Variants in CUL7 observed in about 807,000 individuals in gnomAD.
The protein encoded by CUL7 is cullin-7.
A neutral mutation model predicts 177.7 loss-of-function variants in CUL7; 96 were observed. The observed-to-expected ratio is 0.54, with a 90% CI of 0.46 to 0.64. The LOEUF (loss-of-function observed/expected upper bound fraction) is 0.64. Among genes scored for constraint, CUL7 ranks in the 30% least tolerant of loss-of-function variants. The probability of loss-of-function intolerance (pLI) is 0.00; values close to 1 mark genes in which losing one functional copy is unlikely to be tolerated. For missense variants in CUL7, 1,893 were observed against 2,187.9 expected, an observed-to-expected ratio of 0.87 and a Z score of 2.69; for synonymous variants, 824 against 890.2, an observed-to-expected ratio of 0.93 and a Z score of 1.32.
rs368465274 is a variant in CUL7 at position 43,046,249 on chromosome 6, C to G, written c.2647G>C (p.Gly883Arg). The change falls in exon 12 of 26, where the codon GGC becomes CGC. Residue 883 changes from glycine to arginine, a missense_variant. This residue lies in a region of CUL7 where 973 missense variants were observed against 1,140.9 expected (regional missense o/e 0.85). Coordinates refer to ENST00000265348, the MANE Select transcript of CUL7 (RefSeq NM_014780.5). ...TGGGAGAGTTACCTGATGAGGATGCCCCGGCGCATGTGCAGGGTGATGTAG... is the reference window on the plus strand; with the variant it reads ...TGGGAGAGTTACCTGATGAGGATGCGCCGGCGCATGTGCAGGGTGATGTAG... ...SHYITLHMRR[G>R]ILIRQLTLLV... is the part of the protein sequence containing the mutation. The G allele has an allele frequency of 6.2e-7, 1 of 1,614,188 alleles. No individual in the cohort carries two copies. The highest frequency in any genetic ancestry group is 8.5e-7 in the Non-Finnish European group (1 of 1,180,052).
At position 43,053,768 on chromosome 6, in the gene CUL7, C is replaced by G. The variant is rs1369425101; in HGVS notation, c.-155G>C. The G allele has an allele frequency of 1.3e-6, 2 of 1,524,442 alleles. No individual in the cohort carries two copies. Among genetic ancestry groups the G allele is most frequent in the Admixed American group, 2.0e-5 (1 of 50,162 alleles). The allele number at this position is 1,524,442 out of a possible 1,614,324, so 94.4% of individuals were successfully genotyped here. A position where few individuals can be genotyped will look rare whatever the true frequency, so the allele number is the denominator to read the frequency against. On this transcript the variant is annotated 5_prime_UTR_variant, in exon 1 of 26. Transcript: ENST00000265348. The surrounding 1 kb of genome is among the most constrained non-coding windows in gnomAD (Gnocchi z 4.1). The stretch of plus-strand genomic sequence containing the variant: ...CGGGAGGGGGCGTGCCTCCGCGGAA[C>G]AGAGCTGCACCCGCGTGAGTCGGCA...
chr6:43,042,930 A>G lies in CUL7; in HGVS notation c.3517T>C (p.Cys1173Arg). Residue 1173 changes from cysteine to arginine, a missense_variant, in exon 19 of 26, where the codon TGT becomes CGT. Physicochemically the swap from Cys to Arg is radical, Grantham distance 180. Around this residue, in one of 5 missense-constraint regions of CUL7, gnomAD observed 973 missense variants for 1,140.9 expected, o/e 0.85. Transcript: ENST00000265348. ...WRDDDFVPRY[C>R]EHFNILQNSS... ...TTCTGCAGAATATTAAAGTGCTCAC[A>G]GTAGCGTGGCACAAAGTCATCATCC... The G allele has an allele frequency of 6.2e-7, 1 of 1,614,220 alleles. No homozygotes were observed. Among genetic ancestry groups the G allele is most frequent in the East Asian group, 2.2e-5 (1 of 44,882 alleles).
chr6:43,038,964 G>C lies in CUL7; in HGVS notation c.4318C>G (p.Arg1440Gly), dbSNP rs748555538. ...CACTGCAGTCGCCTCTGTGAGCCTC[G>C]CTCAAGGGCAGGGTGGCTCTGACCT... Reference protein sequence around the residue: ...NKSQSHPALERGSQRRLQWTW... With the variant: ...NKSQSHPALEGGSQRRLQWTW... The change falls in exon 23 of 26, where the codon CGA (arginine) becomes GGA (glycine). Residue 1440 changes from arginine (R) to glycine (G), a missense_variant. Physicochemically the swap from Arg to Gly is moderately radical, Grantham distance 125 (BLOSUM62 -2). Coordinates refer to ENST00000265348, the MANE Select transcript of CUL7 (RefSeq NM_014780.5). The C allele has an allele frequency of 1.9e-6, 3 of 1,611,794 alleles. No individual in the cohort carries two copies. Among genetic ancestry groups the C allele is most frequent in the African/African-American group, 2.7e-5 (2 of 74,980 alleles).
chr6:43,049,279 T>G, intron 7 of CUL7, 128 bp downstream of exon 7: 1 of 1,212,512 alleles, frequency 8.2e-7, no homozygotes, highest in Admixed American at 1.7e-5. Flanking sequence ...GTTTGTTGCT[T>G]CTCTCTAAGT....
chr6:43,044,870 C>T lies in CUL7; in HGVS notation c.3054G>A (p.Leu1018=). The stretch of plus-strand genomic sequence containing the variant: ...GGTCAGCAAAATTCTGCTCCTGGCG[C>T]AGAGCACCGTTGAGTCTGGGGGTGA... ...LHLSSRLNGA[L]RQEQNFADRF... is the part of the protein sequence containing the mutation. Residue 1018 remains leucine (L), a synonymous_variant, in exon 16 of 26, where the codon CTG becomes CTA. Coordinates refer to ENST00000265348, the MANE Select transcript of CUL7 (RefSeq NM_014780.5). 6.2e-7 allele frequency: 1 copy of T among 1,613,752 alleles called. No homozygotes were observed. Among genetic ancestry groups the T allele is most frequent in the East Asian group, 2.2e-5 (1 of 44,874 alleles).
Position 43,047,070 on chromosome 6 carries a change from G to C in CUL7, c.2207C>G (p.Thr736Ser). The change falls in exon 10 of 26, where the codon ACC (threonine) becomes AGC (serine). Residue 736 changes from threonine (T) to serine (S), a missense_variant. Coordinates refer to ENST00000265348, the MANE Select transcript of CUL7 (RefSeq NM_014780.5). ...QELIFFLHRL[T>S]SVSRDYAVVL... ...CACGGCATAGTCCCTGCTCACTGAG[G>C]TCAGGCGGTGCAGGAAGAAAATCAG... is the stretch of plus-strand genomic sequence containing the variant. 1 of 1,612,916 alleles carries C rather than the reference G, an allele frequency of 6.2e-7. No individual in the cohort carries two copies. The highest frequency in any genetic ancestry group is 8.5e-7 in the Non-Finnish European group (1 of 1,178,904).
In CUL7 at chr6:43,050,549, TACACACACACACACACACAC is replaced by T. The variant is rs58059598; in HGVS notation, c.1234-171_1234-152del. 20,277 of 418,850 alleles carry T rather than the reference TACACACACACACACACACAC, an allele frequency of 0.048. 566 individuals are homozygous for T. Among genetic ancestry groups the T allele is most frequent in the African/African-American group, 0.15 (6,395 of 42,990 alleles). The allele number at this position is 418,850 out of a possible 1,614,324, so 25.9% of individuals were successfully genotyped here. A position where few individuals can be genotyped will look rare whatever the true frequency, so the allele number is the denominator to read the frequency against. The stretch of plus-strand genomic sequence containing the variant: ...TAACAAAACAGCAGCATATGGAGAA[TACACACACACACACACACAC>T]ACACACACACACACACACACACACA... On this transcript the variant is annotated intron_variant, in intron 4 of 25. Coordinates refer to ENST00000265348, the MANE Select transcript of CUL7 (RefSeq NM_014780.5). The surrounding 1 kb of genome is among the most constrained non-coding windows in gnomAD (Gnocchi z 4.1).
At position 43,043,881 on chromosome 6, in the gene CUL7, TA is replaced by T. The variant is rs2150318035; in HGVS notation, c.3173-252del. Among the ~76,000 whole-genome samples, 1 of 150,806 alleles carries T rather than the reference TA, an allele frequency of 6.6e-6. No homozygotes were observed. The highest frequency in any genetic ancestry group is 2.1e-4 in the South Asian group (1 of 4,768). On this transcript the variant is annotated intron_variant, in intron 16 of 25. Transcript: ENST00000265348. This position sits in a 1 kb window ranked among gnomAD's most constrained non-coding sequence, Gnocchi z 4.2. ...CATCTTTAAAAATAAGAAATAAGCA[TA>T]AAAAAATAGAAAAGGCCAGGTGCGG...
rs200587174 is a variant in CUL7, at chr6:43,038,667, G to A, written c.4466C>T (p.Ala1489Val). The change falls in exon 24 of 26, where the codon GCG becomes GTG. Residue 1489 changes from alanine to valine, a missense_variant. Coordinates refer to ENST00000265348, the MANE Select transcript of CUL7 (RefSeq NM_014780.5). Reference protein sequence around the residue: ...LKAVSVESLLAFSGLSADMLN... With the variant: ...LKAVSVESLLVFSGLSADMLN... Reference sequence around the variant, plus strand: ...CATGTCTGCGGAGAGCCCTGAGAACGCCAGCAGACTCTCCACAGAGACCGC... The same window carrying A: ...CATGTCTGCGGAGAGCCCTGAGAACACCAGCAGACTCTCCACAGAGACCGC... 4.3e-5 allele frequency: 70 copies of A among 1,613,992 alleles called. No homozygotes were observed. The East Asian group carries it at 1.0e-3, about 23-fold the overall frequency.
At chr6:43,038,821 G>A (rs766373189) in intron 23 of CUL7, 21 bp downstream of exon 23, 17 of 1,614,070 alleles carry the variant, frequency 1.1e-5, no homozygotes, top group Non-Finnish European at 1.4e-5. Context: ...ACAGGAGAGA[G>A]GTGCAGCGGG....
Position 43,038,834 on chromosome 6 carries a change from T to C in CUL7, c.4440+8A>G. 1.2e-6 allele frequency: 2 copies of C among 1,614,140 alleles called. No homozygotes were observed. The highest frequency in any genetic ancestry group is 2.2e-5 in the South Asian group (2 of 91,072). On this transcript the variant is annotated splice_region_variant and intron_variant, in intron 23 of 25. Coordinates refer to ENST00000265348, the MANE Select transcript of CUL7 (RefSeq NM_014780.5). ...AGACAGGAGAGAGGTGCAGCGGGGC[T>C]GGGCCACCTTCAGGTCGTTGAGATA...
rs1403288584 is a variant in CUL7, at chr6:43,038,362, A to G, written c.4678T>C (p.Leu1560=). 6.2e-7 allele frequency: 1 copy of G among 1,614,170 alleles called. No individual in the cohort carries two copies. Among genetic ancestry groups the G allele is most frequent in the African/African-American group, 1.3e-5 (1 of 75,026 alleles). ...TTCAGAAGATTCCGTCTCTTCTCCA[A>G]GTTCTGGCCGTCTTCACCCTCAGCT... ...LQAEGEDGQN[L]EKRRNLLNCL... Residue 1560 remains leucine, a synonymous_variant, in exon 25 of 26, where the codon TTG becomes CTG. Coordinates refer to ENST00000265348, the MANE Select transcript of CUL7 (RefSeq NM_014780.5).
intron 12 of CUL7, 63 bp from the exon 13 acceptor site, chr6:43,046,154 G>A (rs1379259653): frequency 1.9e-6 from 3 of 1,612,136 alleles, no homozygotes; most frequent in East Asian, 2.2e-5. Flanking sequence ...AAGTCCAGGG[G>A]GTGGTGCTTC....
rs969522631 is a variant in CUL7 at position 43,049,271 on chromosome 6, T to G, written c.1825+136A>C. 6.3e-6 allele frequency: 7 copies of G among 1,111,222 alleles called. No individual in the cohort carries two copies. The African/African-American group carries it at 1.1e-4, about 17-fold the overall frequency. 68.8% of individuals were successfully genotyped at this position (1,111,222 alleles called of 1,614,324 possible). ...GGGAACACAATGCCTGCTTCTCCGTTTGTTGCTTCTCTCTAAGTTGCAGCT... is the reference window on the plus strand; with the variant it reads ...GGGAACACAATGCCTGCTTCTCCGTGTGTTGCTTCTCTCTAAGTTGCAGCT... On this transcript the variant is annotated intron_variant, in intron 7 of 25. Coordinates refer to ENST00000265348, the MANE Select transcript of CUL7 (RefSeq NM_014780.5).
chr6:43,051,159 G>A lies in CUL7; in HGVS notation c.1042C>T (p.Gln348Ter), dbSNP rs1764369043. The A allele has an allele frequency of 6.2e-7, 1 of 1,614,102 alleles. No individual in the cohort carries two copies. Among genetic ancestry groups the A allele is most frequent in the African/African-American group, 1.3e-5 (1 of 74,940 alleles). ...VSPGLPAAQA[Q>*]PSFRRSRRFR... ...CGTCTTGACCTCCTGAAGGAGGGCTGAGCCTGGGCAGCGGGGAGCCCTGGG... is the reference window on the plus strand; with the variant it reads ...CGTCTTGACCTCCTGAAGGAGGGCTAAGCCTGGGCAGCGGGGAGCCCTGGG... The change falls in exon 4 of 26, where the codon CAG becomes TAG. Residue 348 changes from glutamine to a stop codon, truncating the protein, a stop_gained. Coordinates refer to ENST00000265348, the MANE Select transcript of CUL7 (RefSeq NM_014780.5). LOFTEE classifies it high-confidence loss of function. The surrounding 1 kb of genome is among the most constrained non-coding windows in gnomAD (Gnocchi z 5.0).
In CUL7 at chr6:43,043,024, A is replaced by G; in HGVS notation, c.3463-40T>C. On this transcript the variant is annotated intron_variant, in intron 18 of 25. Transcript: ENST00000265348. The surrounding 1 kb of genome is among the most constrained non-coding windows in gnomAD (Gnocchi z 4.2). ...CAGGAGCATGAAGACACAACCCAAC[A>G]TGCCACCATTATGGTGTCCCCTCTC... The G allele has an allele frequency of 1.2e-6, 2 of 1,613,344 alleles. No individual in the cohort carries two copies. Among genetic ancestry groups the G allele is most frequent in the Non-Finnish European group, 1.7e-6 (2 of 1,179,324 alleles).
chr6:43,053,425 G>T lies in CUL7; in HGVS notation c.-9+197C>A, dbSNP rs1048646528. Among the ~76,000 whole-genome samples the T allele has an allele frequency of 5.9e-5, 9 of 152,130 alleles. No individual in the cohort carries two copies. Among genetic ancestry groups the T allele is most frequent in the Non-Finnish European group, 1.5e-5 (1 of 68,028 alleles). On this transcript the variant is annotated intron_variant, in intron 1 of 25. Transcript: ENST00000265348. This position sits in a 1 kb window ranked among gnomAD's most constrained non-coding sequence, Gnocchi z 4.1. ...CAGGGCAGGGTGCACAGACCAGGTA[G>T]GCGAGGGGCTTGGGGACCGAGGTTG... is the stretch of plus-strand genomic sequence containing the variant.
At position 43,038,758 on chromosome 6, in the gene CUL7, A is replaced by G. The variant is rs1431427496; in HGVS notation, c.4441-66T>C. 8 of 1,612,550 alleles carry G rather than the reference A, an allele frequency of 5.0e-6. No individual in the cohort carries two copies. The Admixed American group carries it at 1.0e-4, about 20-fold the overall frequency. On this transcript the variant is annotated intron_variant, in intron 23 of 25. Coordinates refer to ENST00000265348, the MANE Select transcript of CUL7 (RefSeq NM_014780.5). ...GAGTGGAGAGAAGAGGATGGAGGGA[A>G]GAAGCAGAGGGAGTCAAGGTTTTGG...
Position 43,052,623 on chromosome 6 carries a change from C to T in CUL7, c.166G>A (p.Gly56Ser), listed in dbSNP as rs1216466106. 1.2e-6 allele frequency: 2 copies of T among 1,614,254 alleles called. No individual in the cohort carries two copies. The highest frequency in any genetic ancestry group is 1.7e-6 in the Non-Finnish European group (2 of 1,180,048). ...TGCTCAGCCTTGCAGTCCACTTGGC[C>T]AGAGCCCCCGTCCCCCTCATCGCCA... ...RRGDEGDGGS[G>S]QVDCKAEHIL... is the part of the protein sequence containing the mutation. Residue 56 changes from glycine (G) to serine (S), a missense_variant, in exon 2 of 26, where the codon GGC (glycine) becomes AGC (serine). By Grantham distance (56) the Gly-to-Ser change is moderately conservative. Coordinates refer to ENST00000265348, the MANE Select transcript of CUL7 (RefSeq NM_014780.5). This position sits in a 1 kb window ranked among gnomAD's most constrained non-coding sequence, Gnocchi z 4.5.
Sources: gnomAD v4.1 joint callset for allele counts (sites outside exome capture counted in the v4.1 genomes callset) on GRCh38, gnomAD v4.1.1 for gene constraint, gnomAD v4.1.1 regional missense constraint, Gnocchi (gnomAD v3.1) non-coding constraint, MANE v1.5 for transcripts, NCBI Gene and HGNC (gene_info 2026-07-23, HGNC 2026-07-21) for gene names.